GRIN2A: variants seen among roughly 807,000 people sequenced by gnomAD.
The protein encoded by GRIN2A is glutamate receptor ionotropic, NMDA 2A.
In GRIN2A, 22 loss-of-function variants were observed where a neutral mutation model predicts 113.4. The observed-to-expected ratio is 0.19, with a 90% CI of 0.14 to 0.28. The LOEUF is 0.28. Ranked by LOEUF, GRIN2A falls within the 10% of genes least tolerant of loss-of-function variation. The probability of loss-of-function intolerance (pLI) is 1.00; values close to 1 mark genes in which losing one functional copy is unlikely to be tolerated. For synonymous variants in GRIN2A, 827 were observed against 738.4 expected (o/e 1.12, Z -1.94); for missense variants, 1,502 against 1,887.0 (o/e 0.80, Z 3.78).
chr16:10,111,314 C>G, intron 2 of GRIN2A: 1 of 383,526 alleles, frequency 2.6e-6, no homozygotes. Flanking sequence ...CCCACAGCGT[C>G]AGCAGCAGCG....
chr16:9,840,305 TATA>T (rs970533594), intron 7 of GRIN2A, among the ~76,000 whole-genome samples: 3 of 151,870 alleles, frequency 2.0e-5, no homozygotes, highest in African/African-American at 7.2e-5. Flanking sequence ...TTAAACCCCT[TATA>T]ATAATAATAA....
chr16:9,855,998 C>G (rs1401625512), intron 4 of GRIN2A, among the ~76,000 whole-genome samples: 1 of 152,174 alleles, frequency 6.6e-6, no homozygotes, highest in Non-Finnish European at 1.5e-5. Flanking sequence ...CCATTCCTAG[C>G]TGGGGCACAG....
intron 2 of GRIN2A, among the ~76,000 whole-genome samples, chr16:10,065,283 T>C (rs2047627820): frequency 6.6e-6 from 1 of 152,208 alleles, no homozygotes; most frequent in Non-Finnish European, 1.5e-5. Flanking sequence ...TGTGTGGAGT[T>C]ACTCACGTGA....
intron 2 of GRIN2A, among the ~76,000 whole-genome samples, chr16:10,152,787 G>T (rs2049609941): frequency 6.6e-6 from 1 of 152,194 alleles, no homozygotes; most frequent in South Asian, 2.1e-4. Flanking sequence ...GCCGTGAAAA[G>T]ACATTGAGGG....
At chr16:10,044,649 T>A (rs958442929) in intron 2 of GRIN2A, among the ~76,000 whole-genome samples, 2 of 149,762 alleles carry the variant, frequency 1.3e-5, no homozygotes, top group African/African-American at 4.9e-5. Context: ...AATGTCTGGT[T>A]CATACTAGAT....
rs140509581 is a variant in GRIN2A, at chr16:9,935,243, G to A, written c.1007+2716C>T. Among the ~76,000 whole-genome samples the A allele has an allele frequency of 3.1e-3, 474 of 152,272 alleles. 4 individuals are homozygous for A. Among genetic ancestry groups the A allele is most frequent in the African/African-American group, 0.011 (449 of 41,554 alleles). ...CTGCAGGGCACATATTATGATGGAA[G>A]TGAGAATTCATTAGCCTCGTTTGTG... is the stretch of plus-strand genomic sequence containing the variant. On this transcript the variant is annotated intron_variant, in intron 3 of 12. Coordinates refer to ENST00000330684, the MANE Select transcript of GRIN2A (RefSeq NM_001134407.3).
chr16:9,891,339 T>C (rs1329004146), intron 3 of GRIN2A, among the ~76,000 whole-genome samples: 1 of 152,218 alleles, frequency 6.6e-6, no homozygotes, highest in Non-Finnish European at 1.5e-5. Context: ...GCCAGATTCA[T>C]AGACCTATAT....
intron 2 of GRIN2A, among the ~76,000 whole-genome samples, chr16:10,145,285 C>A (rs968209717): frequency 1.3e-5 from 2 of 152,278 alleles, no homozygotes; most frequent in Middle Eastern, 3.4e-3. Context: ...AAACTGTATT[C>A]TGCCCTTAAA....
chr16:10,148,592 G>A (rs962025314), intron 2 of GRIN2A, among the ~76,000 whole-genome samples: 1 of 152,138 alleles, frequency 6.6e-6, no homozygotes, highest in Non-Finnish European at 1.5e-5. Context: ...CAGAGCTAGA[G>A]ATATCTCCCT....
chr16:9,814,891 A>T (rs946336384), intron 10 of GRIN2A, among the ~76,000 whole-genome samples: 2 of 152,072 alleles, frequency 1.3e-5, no homozygotes, highest in Non-Finnish European at 2.9e-5. Context: ...ATGGTGTTGC[A>T]TACCTGTAAT....
At chr16:9,979,811 A>ATATATATATATATATATATATATG (rs2045855687) in intron 2 of GRIN2A, among the ~76,000 whole-genome samples, 1 of 142,396 alleles carries the variant, frequency 7.0e-6, no homozygotes, top group South Asian at 2.4e-4. Context: ...ATATATATAT[A>ATATATATATATATATATATATATG]TGTATATGTA....
Position 9,771,919 on chromosome 16 carries a change from A to G in GRIN2A, c.2357-2830T>C, listed in dbSNP as rs144254424. On this transcript the variant is annotated intron_variant, in intron 11 of 12. Coordinates refer to ENST00000330684, the MANE Select transcript of GRIN2A (RefSeq NM_001134407.3). Reference sequence around the variant, plus strand: ...TCAAACAGATGGTAAACCTCCTTGCATTTTCTTCACTTTGATGGACAGAGA... The same window carrying G: ...TCAAACAGATGGTAAACCTCCTTGCGTTTTCTTCACTTTGATGGACAGAGA... 8.2e-3 allele frequency among the ~76,000 whole-genome samples: 1,244 copies of G among 152,100 alleles called. 12 individuals are homozygous for G. Among genetic ancestry groups the G allele is most frequent in the African/African-American group, 0.029 (1,183 of 41,474 alleles).
intron 2 of GRIN2A, among the ~76,000 whole-genome samples, chr16:10,151,166 C>G (rs9937806): frequency 0.013 from 1,911 of 152,324 alleles, 41 homozygotes; most frequent in African/African-American, 0.044. Context: ...ATTAAATGCA[C>G]TTGCTTGATC....
At chr16:10,167,238 C>T (rs1464336301) in intron 2 of GRIN2A, among the ~76,000 whole-genome samples, 2 of 152,170 alleles carry the variant, frequency 1.3e-5, no homozygotes, top group East Asian at 1.9e-4. Context: ...TGAACACGCA[C>T]TCCTCTGGAA....
At chr16:10,039,363 C>T (rs1336739158) in intron 2 of GRIN2A, among the ~76,000 whole-genome samples, 1 of 152,206 alleles carries the variant, frequency 6.6e-6, no homozygotes, top group African/African-American at 2.4e-5. Context: ...GCACCAAAAA[C>T]CTGCTCTCTA....
At chr16:10,099,993 C>T (rs773359716) in intron 2 of GRIN2A, among the ~76,000 whole-genome samples, 5 of 152,064 alleles carry the variant, frequency 3.3e-5, no homozygotes, top group African/African-American at 4.8e-5. Context: ...CAAATTGTAG[C>T]GAGTGCTATT....
chr16:9,918,853 A>T (rs2141575192), intron 3 of GRIN2A, among the ~76,000 whole-genome samples: 1 of 152,146 alleles, frequency 6.6e-6, no homozygotes, highest in Middle Eastern at 3.4e-3. Context: ...AAACAAAATT[A>T]AACCACTACG....
intron 11 of GRIN2A, among the ~76,000 whole-genome samples, chr16:9,791,428 A>T (rs1225945821): frequency 1.3e-5 from 2 of 152,198 alleles, no homozygotes; most frequent in Non-Finnish European, 2.9e-5. Context: ...GGTAAGGGGC[A>T]TTCAAGGATT....
At chr16:10,010,386 C>T (rs865101) in intron 2 of GRIN2A, among the ~76,000 whole-genome samples, 127,479 of 152,188 alleles carry the variant, frequency 0.84, 54,238 homozygotes, top group African/African-American at 0.9. Flanking sequence ...AATACCTGGG[C>T]GCTGAAATAA....
Sources: allele counts gnomAD v4.1 joint callset (sites outside exome capture counted in the v4.1 genomes callset), GRCh38; gene constraint gnomAD v4.1.1; transcripts MANE v1.5; gene names NCBI Gene and HGNC (gene_info 2026-07-23, HGNC 2026-07-21).